The following DAB1 variants were observed in gnomAD, a reference collection of about 807,000 sequenced individuals.
The protein encoded by DAB1 is DAB adaptor protein 1.
DAB1 carries 15 observed loss-of-function variants against 64.6 expected under a neutral mutation model. The observed-to-expected ratio is 0.23, with a 90% CI of 0.16 to 0.36. DAB1 has a LOEUF of 0.36. DAB1 is among the 10% of genes least tolerant of loss of function. The probability of loss-of-function intolerance (pLI) is 1.00; values close to 1 mark genes in which losing one functional copy is unlikely to be tolerated. For missense variants in DAB1, 596 were observed against 706.7 expected, an observed-to-expected ratio of 0.84 and a Z score of 1.78; for synonymous variants, 235 against 251.9, an observed-to-expected ratio of 0.93 and a Z score of 0.64.
Position 57,949,263 on chromosome 1 carries a change from G to C in DAB1, n.388-65101C>G, listed in dbSNP as rs144318196. Among the ~76,000 whole-genome samples, 227 of 152,270 alleles carry C rather than the reference G, an allele frequency of 1.5e-3. 1 individual carries two copies. The highest frequency in any genetic ancestry group is 4.7e-3 in the African/African-American group (196 of 41,542). On this transcript the variant is annotated intron_variant and non_coding_transcript_variant, in intron 5 of 20. Coordinates refer to the DAB1 transcript ENST00000485760. ...AAGGAGTGCACAGCCTAGATCCCTTGCATGTGCAGTTCACAATAGGGTTTG... is the reference window on the plus strand; with the variant it reads ...AAGGAGTGCACAGCCTAGATCCCTTCCATGTGCAGTTCACAATAGGGTTTG...
rs1364312324 is a variant in DAB1, at chr1:57,472,731, G to C, written n.625+176861C>G. Among the ~76,000 whole-genome samples the C allele has an allele frequency of 2.6e-5, 4 of 152,144 alleles. No homozygotes were observed. In the East Asian group the frequency reaches 7.7e-4, roughly 29 times the overall value. Reference sequence around the variant, plus strand: ...CCAGGGAGCTTGGCTCTTGAGACAGGAGTCTTGCCGATGCCCCCAGCCAAA... The same window carrying C: ...CCAGGGAGCTTGGCTCTTGAGACAGCAGTCTTGCCGATGCCCCCAGCCAAA... On this transcript the variant is annotated intron_variant and non_coding_transcript_variant, in intron 7 of 20. Transcript: ENST00000485760.
chr1:57,330,566 C>G (rs1676575150), intron 1 of DAB1, among the ~76,000 whole-genome samples: 1 of 152,116 alleles, frequency 6.6e-6, no homozygotes, highest in African/African-American at 2.4e-5. Flanking sequence ...AGCATCAAGC[C>G]CTGAATGTAG....
chr1:58,069,879 T>C (rs1649124831), intron 5 of DAB1, among the ~76,000 whole-genome samples: 1 of 152,194 alleles, frequency 6.6e-6, no homozygotes, highest in Non-Finnish European at 1.5e-5. Context: ...CTATGCTTTT[T>C]TCATTAACCT....
intron 9 of DAB1, among the ~76,000 whole-genome samples, chr1:57,047,776 C>T (rs560535396): frequency 1.3e-5 from 2 of 152,220 alleles, no homozygotes; most frequent in Non-Finnish European, 2.9e-5. Context: ...CCCAGGCTCT[C>T]AAGTTACACT....
At chr1:58,288,597 C>A (rs1294617634) in intron 4 of DAB1, among the ~76,000 whole-genome samples, 1 of 152,196 alleles carries the variant, frequency 6.6e-6, no homozygotes, top group East Asian at 1.9e-4. Context: ...AGCATGAAAG[C>A]AGATACCTCT....
At chr1:57,651,677 G>A (rs1476890094) in intron 6 of DAB1, among the ~76,000 whole-genome samples, 1 of 151,454 alleles carries the variant, frequency 6.6e-6, no homozygotes, top group East Asian at 1.9e-4. Flanking sequence ...AAAAAAAAAT[G>A]ACAGAAAGCC....
intron 7 of DAB1, among the ~76,000 whole-genome samples, chr1:57,464,808 C>T (rs1026335803): frequency 6.6e-6 from 1 of 151,660 alleles, no homozygotes; most frequent in African/African-American, 2.4e-5. Context: ...TGTTGTACTG[C>T]AGGGAATTTC....
At chr1:58,509,742 C>A (rs1480669500) in intron 2 of DAB1, among the ~76,000 whole-genome samples, 3 of 151,000 alleles carry the variant, frequency 2.0e-5, no homozygotes, top group African/African-American at 7.3e-5. Context: ...ACAAAACTGA[C>A]AAGTCGTTAG....
At chr1:57,932,263 T>A (rs192928199) in intron 5 of DAB1, among the ~76,000 whole-genome samples, 6 of 152,240 alleles carry the variant, frequency 3.9e-5, no homozygotes, top group African/African-American at 9.6e-5. Context: ...ATATTTTCCA[T>A]CTTGGTAAAT....
At chr1:57,480,918 T>C (rs929088563) in intron 7 of DAB1, among the ~76,000 whole-genome samples, 1 of 152,200 alleles carries the variant, frequency 6.6e-6, no homozygotes, top group East Asian at 1.9e-4. Context: ...TCACTGCCTT[T>C]CTTTTTCTTC....
intron 1 of DAB1, among the ~76,000 whole-genome samples, chr1:57,387,672 A>T (rs979435881): frequency 1.4e-4 from 21 of 152,016 alleles, no homozygotes; most frequent in Non-Finnish European, 1.5e-4. Flanking sequence ...AAATACAAAG[A>T]TTAGCCAAGC....
chr1:57,305,468 G>A lies in DAB1; in HGVS notation c.-136-14302C>T, dbSNP rs532767789. 4.0e-4 allele frequency among the ~76,000 whole-genome samples: 61 copies of A among 152,338 alleles called. 1 individual carries two copies. The South Asian group carries it at 0.012, about 29-fold the overall frequency. Reference sequence around the variant, plus strand: ...CACACATGAAAGAGGGATGGATGCAGTCCACACAGGTCAGCTTCCCAGAGC... The same window carrying A: ...CACACATGAAAGAGGGATGGATGCAATCCACACAGGTCAGCTTCCCAGAGC... On this transcript the variant is annotated intron_variant, in intron 1 of 14. Coordinates refer to ENST00000371236, the MANE Select transcript of DAB1 (RefSeq NM_001365792.1).
chr1:58,002,894 C>G (rs1646528449), intron 5 of DAB1, among the ~76,000 whole-genome samples: 1 of 151,874 alleles, frequency 6.6e-6, no homozygotes, highest in African/African-American at 2.4e-5. Flanking sequence ...CTTTTGAGTC[C>G]TTTTTTTAAA....
At position 57,423,921 on chromosome 1, in the gene DAB1, G is replaced by C. The variant is rs1421251205; in HGVS notation, c.-137+9C>G. On this transcript the variant is annotated intron_variant, in intron 1 of 14. Coordinates refer to ENST00000371236, the MANE Select transcript of DAB1 (RefSeq NM_001365792.1). ...TCAAGGGTTGCCGCGCGCCCCCGCCGCGCCTCACCTCGCCTAGCCCAGAGC... is the reference window on the plus strand; with the variant it reads ...TCAAGGGTTGCCGCGCGCCCCCGCCCCGCCTCACCTCGCCTAGCCCAGAGC... 2 of 152,002 alleles carry C rather than the reference G, an allele frequency of 1.3e-5. No homozygotes were observed. Among genetic ancestry groups the C allele is most frequent in the East Asian group, 3.9e-4 (2 of 5,088 alleles). The allele number at this position is 152,002 out of a possible 1,614,324, so 9.4% of individuals were successfully genotyped here.
intron 1 of DAB1, among the ~76,000 whole-genome samples, chr1:57,294,302 T>G (rs1053677420): frequency 1.3e-5 from 2 of 152,208 alleles, no homozygotes; most frequent in Non-Finnish European, 2.9e-5. Context: ...CTGAAGTGTG[T>G]CAGGTTTTTT....
intron 4 of DAB1, among the ~76,000 whole-genome samples, chr1:58,332,341 T>A (rs1375923321): frequency 6.6e-6 from 1 of 152,186 alleles, no homozygotes; most frequent in Non-Finnish European, 1.5e-5. Context: ...TATTTTTTCA[T>A]GTTCCCCCAG....
intron 7 of DAB1, among the ~76,000 whole-genome samples, chr1:57,439,441 T>C (rs1361247651): frequency 2.4e-5 from 3 of 127,138 alleles, no homozygotes; most frequent in East Asian, 8.3e-4. Context: ...TTTTTTTTTT[T>C]TTTTTTGAGA....
At chr1:57,359,882 G>A (rs992496328) in intron 1 of DAB1, among the ~76,000 whole-genome samples, 5 of 151,950 alleles carry the variant, frequency 3.3e-5, no homozygotes, top group Admixed American at 2.6e-4. Flanking sequence ...GAATCTAAAA[G>A]AGTTGATCTC....
intron 5 of DAB1, among the ~76,000 whole-genome samples, chr1:57,908,027 C>T (rs575715396): frequency 1.3e-5 from 2 of 151,980 alleles, no homozygotes; most frequent in African/African-American, 4.8e-5. Flanking sequence ...GCAATAATAA[C>T]ATCAAGTATC....
Sources: allele counts gnomAD v4.1 joint callset (sites outside exome capture counted in the v4.1 genomes callset), GRCh38; gene constraint gnomAD v4.1.1; transcripts MANE v1.5; gene names NCBI Gene and HGNC (gene_info 2026-07-23, HGNC 2026-07-21).